The following BAZ1A variants were observed in gnomAD, a reference collection of about 807,000 sequenced individuals.
BAZ1A encodes the protein bromodomain adjacent to zinc finger domain 1A, also known as bromodomain adjacent to zinc finger domain protein 1A.
BAZ1A carries 50 observed loss-of-function variants against 185.2 expected under a neutral mutation model. The ratio of observed to expected loss-of-function variants is 0.27; its 90% CI spans 0.22 to 0.34. The LOEUF is 0.34. BAZ1A is among the 10% of genes least tolerant of loss of function. The pLI is 1.00. For missense variants in BAZ1A, 1,356 were observed against 1,839.9 expected, an observed-to-expected ratio of 0.74 and a Z score of 4.81; for synonymous variants, 571 against 615.6, an observed-to-expected ratio of 0.93 and a Z score of 1.07.
rs545217668 is a variant in BAZ1A, at chr14:34,806,081, ATTTAAC to A, written c.726+1364_726+1369del. On this transcript the variant is annotated intron_variant, in intron 6 of 26. Transcript: ENST00000360310. ...ATTTGTTTCATTTCTTTTGAGTTAG[ATTTAAC>A]TTTATTATTCCAATAGTTAACCAAG... Among the ~76,000 whole-genome samples the A allele has an allele frequency of 5.4e-3, 828 of 152,048 alleles. 14 individuals carry two copies. Among genetic ancestry groups the A allele is most frequent in the Middle Eastern group, 0.037 (11 of 294 alleles).
intron 3 of BAZ1A, among the ~76,000 whole-genome samples, chr14:34,853,001 G>A (rs1566597675): frequency 6.6e-6 from 1 of 151,744 alleles, no homozygotes; most frequent in East Asian, 1.9e-4. Flanking sequence ...CCAGCATCTA[G>A]AACAGTGCAA....
chr14:34,788,386 C>G (rs1566562497), intron 12 of BAZ1A, among the ~76,000 whole-genome samples: 1 of 152,040 alleles, frequency 6.6e-6, no homozygotes, highest in Non-Finnish European at 1.5e-5. Context: ...TCACTACAAC[C>G]TCTGCCTTCC....
In BAZ1A at chr14:34,763,421, T is replaced by TTA. The variant is rs1555337387; in HGVS notation, c.3777-1199_3777-1198insTA. On this transcript the variant is annotated intron_variant, in intron 23 of 26. Transcript: ENST00000360310. The stretch of plus-strand genomic sequence containing the variant: ...TCCACAAGAATGGGGTTCAAATGTT[T>TTA]AAAAAAAAAAAAAAAAGCCGGGGGG... 6.5e-3 allele frequency among the ~76,000 whole-genome samples: 873 copies of TTA among 134,116 alleles called. 18 individuals carry two copies. The highest frequency in any genetic ancestry group is 0.023 in the African/African-American group (841 of 37,078). 88.0% of individuals were successfully genotyped at this position (134,116 alleles called of 152,430 possible).
chr14:34,854,110 T>C (rs912163198), intron 3 of BAZ1A, among the ~76,000 whole-genome samples: 5 of 152,344 alleles, frequency 3.3e-5, no homozygotes, highest in African/African-American at 9.6e-5. Flanking sequence ...GAAGGATATA[T>C]GATGCGGAAC....
intron 4 of BAZ1A, among the ~76,000 whole-genome samples, chr14:34,825,680 G>A (rs1288209781): frequency 7.9e-5 from 12 of 152,140 alleles, no homozygotes; most frequent in Admixed American, 7.9e-4. Context: ...GCTCATGCCT[G>A]TAATCCCAGC....
chr14:34,794,948 G>A, intron 10 of BAZ1A, 61 bp from the exon 11 acceptor site: 2 of 1,580,612 alleles, frequency 1.3e-6, no homozygotes, highest in Non-Finnish European at 1.7e-6. Context: ...TTAAAAGGCA[G>A]AGATGACATA....
chr14:34,763,307 TG>T (rs1878551792), intron 23 of BAZ1A, among the ~76,000 whole-genome samples: 1 of 151,850 alleles, frequency 6.6e-6, no homozygotes, highest in African/African-American at 2.4e-5. Context: ...TTAAAACAGA[TG>T]GGGTGGCTCT....
At chr14:34,863,982 C>T (rs1261939572) in intron 2 of BAZ1A, among the ~76,000 whole-genome samples, 1 of 151,926 alleles carries the variant, frequency 6.6e-6, no homozygotes, top group Non-Finnish European at 1.5e-5. Context: ...CACCAGGACA[C>T]TCACCTAATT....
At chr14:34,770,214 T>A (rs538999718) in intron 21 of BAZ1A, among the ~76,000 whole-genome samples, 1 of 152,310 alleles carries the variant, frequency 6.6e-6, no homozygotes, top group African/African-American at 2.4e-5. Context: ...AGTGCAATGG[T>A]GCAGTCTCAG....
intron 4 of BAZ1A, among the ~76,000 whole-genome samples, chr14:34,824,403 C>CAAAA (rs2042133433): frequency 2.0e-4 from 5 of 25,360 alleles, no homozygotes; most frequent in Admixed American, 5.5e-4. Context: ...AAAAAAGCAG[C>CAAAA]AACTCAAAAA....
chr14:34,799,905 C>T lies in BAZ1A; in HGVS notation c.1128+319G>A, dbSNP rs147311706. Among the ~76,000 whole-genome samples the T allele has an allele frequency of 8.0e-3, 1,224 of 152,076 alleles. 15 individuals carry two copies. The highest frequency in any genetic ancestry group is 0.028 in the African/African-American group (1,168 of 41,502). ...GATTACAGGTGTGAGCCACTGCACC[C>T]GGCCTATTTTATTTTTCAAACTGCG... On this transcript the variant is annotated intron_variant, in intron 9 of 26. Coordinates refer to ENST00000360310, the MANE Select transcript of BAZ1A (RefSeq NM_013448.3).
chr14:34,787,451 G>C (rs1335513603), intron 12 of BAZ1A, among the ~76,000 whole-genome samples: 1 of 151,800 alleles, frequency 6.6e-6, no homozygotes, highest in Non-Finnish European at 1.5e-5. Context: ...TTGGGAGGCT[G>C]AGGCGGGCAG....
At chr14:34,825,044 C>T (rs1462760535) in intron 4 of BAZ1A, among the ~76,000 whole-genome samples, 1 of 152,186 alleles carries the variant, frequency 6.6e-6, no homozygotes, top group East Asian at 1.9e-4. Context: ...TTTTCTCCAA[C>T]AGCACCCAGC....
At chr14:34,843,666 C>T (rs1171807241) in intron 3 of BAZ1A, among the ~76,000 whole-genome samples, 5 of 152,116 alleles carry the variant, frequency 3.3e-5, no homozygotes, top group Non-Finnish European at 7.3e-5. Flanking sequence ...ACTACAACCA[C>T]CATATAAATA....
intron 25 of BAZ1A, among the ~76,000 whole-genome samples, chr14:34,755,309 T>C (rs1886193501): frequency 1.3e-5 from 2 of 152,186 alleles, no homozygotes; most frequent in Non-Finnish European, 2.9e-5. Context: ...AATTAATCCT[T>C]CTCATTCTTG....
At chr14:34,777,206 T>C (rs768863293) in intron 17 of BAZ1A, among the ~76,000 whole-genome samples, 4 of 152,340 alleles carry the variant, frequency 2.6e-5, no homozygotes, top group African/African-American at 7.2e-5. Flanking sequence ...ATTCCACTCT[T>C]GTGGCCCAAA....
chr14:34,821,766 C>T (rs1011955641), intron 4 of BAZ1A, among the ~76,000 whole-genome samples: 1 of 152,094 alleles, frequency 6.6e-6, no homozygotes, highest in Non-Finnish European at 1.5e-5. Context: ...GGGCAGATCA[C>T]CTGAGGTTGG....
At position 34,753,339 on chromosome 14, in the gene BAZ1A, GATATCTTTCCT is replaced by G. The variant is rs1356958486; in HGVS notation, c.*158_*168del. On this transcript the variant is annotated 3_prime_UTR_variant, in exon 27 of 27. Transcript: ENST00000360310. ...GATACTGAACAAAACTGTAGCAAAG[GATATCTTTCCT>G]ACATTCTCCTGAGTGCTTAATATTA... The G allele has an allele frequency of 3.1e-6, 2 of 647,248 alleles. No homozygotes were observed. Among genetic ancestry groups the G allele is most frequent in the African/African-American group, 3.6e-5 (2 of 54,926 alleles). The allele number at this position is 647,248 out of a possible 1,614,324, so 40.1% of individuals were successfully genotyped here. A position where few individuals can be genotyped will look rare whatever the true frequency, so the allele number is the denominator to read the frequency against.
chr14:34,862,661 C>T (rs1182627261), intron 2 of BAZ1A, among the ~76,000 whole-genome samples: 2 of 151,404 alleles, frequency 1.3e-5, no homozygotes, highest in Non-Finnish European at 2.9e-5. Flanking sequence ...AATGAAAAAT[C>T]AGTCATTAAA....
Sources: allele counts gnomAD v4.1 joint callset (sites outside exome capture counted in the v4.1 genomes callset), GRCh38; gene constraint gnomAD v4.1.1; transcripts MANE v1.5; gene names NCBI Gene and HGNC (gene_info 2026-07-23, HGNC 2026-07-21).